The following AANAT variants were observed in gnomAD, a reference collection of about 807,000 sequenced individuals.
AANAT encodes the protein serotonin N-acetyltransferase.
AANAT carries 11 observed loss-of-function variants against 15.6 expected under a neutral mutation model. The observed-to-expected ratio is 0.71, with a 90% CI of 0.44 to 1.17. The LOEUF (loss-of-function observed/expected upper bound fraction) is 1.17, where lower values mean the gene tolerates loss of function less well. Ranked by LOEUF, AANAT falls within the 50% of genes most tolerant of loss-of-function variation. AANAT has a pLI of 0.00. For missense variants in AANAT, 286 were observed against 296.3 expected (o/e 0.97, Z 0.26); for synonymous variants, 139 against 131.5 (o/e 1.06, Z -0.39).
chr17:76,466,346 C>T (rs1358865615), upstream of AANAT: 1 of 767,428 alleles, frequency 1.3e-6, no homozygotes, highest in East Asian at 2.9e-5. Flanking sequence ...GGCAGGTGGG[C>T]CTCAGAGTGC....
chr17:76,469,576 G>A lies in AANAT; in HGVS notation c.319-89G>A. On this transcript the variant is annotated intron_variant, in intron 3 of 3. Transcript: ENST00000392492. This position sits in a 1 kb window ranked among gnomAD's most constrained non-coding sequence, Gnocchi z 5.2. ...GGTGCCCTGACCACAGGCACCCAGG[G>A]GACACCTGCTCCCTGCCTGGGTTGG... The A allele has an allele frequency of 7.2e-7, 1 of 1,386,028 alleles. No homozygotes were observed. Among genetic ancestry groups the A allele is most frequent in the South Asian group, 1.5e-5 (1 of 66,244 alleles). The allele number at this position is 1,386,028 out of a possible 1,614,324, so 85.9% of individuals were successfully genotyped here. A position where few individuals can be genotyped will look rare whatever the true frequency, so the allele number is the denominator to read the frequency against.
At chr17:76,459,955 A>G (rs2073371117) in intron 2 of AANAT, among the ~76,000 whole-genome samples, 1 of 152,040 alleles carries the variant, frequency 6.6e-6, no homozygotes, top group Non-Finnish European at 1.5e-5. Flanking sequence ...GTGACTGAAA[A>G]TGCAAGCACG....
At chr17:76,461,232 G>T (rs2073385474) in intron 2 of AANAT, among the ~76,000 whole-genome samples, 1 of 152,054 alleles carries the variant, frequency 6.6e-6, no homozygotes, top group African/African-American at 2.4e-5. Flanking sequence ...CACCTGCTCT[G>T]TGGGTGGCAC....
At chr17:76,465,575 G>C (rs913787150), upstream of AANAT, among the ~76,000 whole-genome samples, 24 of 152,158 alleles carry the variant, frequency 1.6e-4, no homozygotes, top group African/African-American at 5.3e-4. Context: ...GGGCTCAAGT[G>C]ATCCTCCTGC....
rs762010758 is a variant in AANAT at position 76,469,721 on chromosome 17, C to T, written c.375C>T (p.Ala125=). Residue 125 remains alanine, a synonymous_variant, in exon 4 of 4, where the codon GCC becomes GCT. Transcript: ENST00000392492. The surrounding 1 kb of genome is among the most constrained non-coding windows in gnomAD (Gnocchi z 5.2). ...ACATAGCCCACCTGCATGTGCTGGC[C>T]GTGCACCGCGCCTTCCGGCAGCAGG... is the stretch of plus-strand genomic sequence containing the variant. The part of the protein sequence containing the change: ...GGHIAHLHVL[A]VHRAFRQQGR... 3.9e-5 allele frequency: 61 copies of T among 1,546,388 alleles called. No homozygotes were observed. The highest frequency in any genetic ancestry group is 2.3e-4 in the African/African-American group (17 of 73,552).
upstream of AANAT, among the ~76,000 whole-genome samples, chr17:76,462,793 G>A (rs1190512589): frequency 2.0e-5 from 3 of 152,256 alleles, no homozygotes; most frequent in Admixed American, 6.5e-5. Flanking sequence ...AGTGACCATC[G>A]AAACCACCAA....
upstream of AANAT, among the ~76,000 whole-genome samples, chr17:76,463,248 C>T (rs2073406471): frequency 6.6e-6 from 1 of 151,694 alleles, no homozygotes; most frequent in African/African-American, 2.4e-5. Flanking sequence ...CTCACTGTCA[C>T]CATTAAGGCC....
At position 76,469,981 on chromosome 17, in the gene AANAT, C is replaced by A. The variant is rs1277614423; in HGVS notation, c.*11C>A. The A allele has an allele frequency of 2.7e-6, 4 of 1,458,846 alleles. No individual in the cohort carries two copies. Among genetic ancestry groups the A allele is most frequent in the African/African-American group, 1.4e-5 (1 of 70,012 alleles). 90.4% of individuals were successfully genotyped at this position (1,458,846 alleles called of 1,614,324 possible). A position where few individuals can be genotyped will look rare whatever the true frequency, so the allele number is the denominator to read the frequency against. On this transcript the variant is annotated 3_prime_UTR_variant, in exon 4 of 4. Coordinates refer to ENST00000392492, the MANE Select transcript of AANAT (RefSeq NM_001088.3). This position sits in a 1 kb window ranked among gnomAD's most constrained non-coding sequence, Gnocchi z 5.2. ...AACAGCGGCTGCTGAACTGGGCTGC[C>A]CACCTGGCTGCCAACATGATCCCCG...
upstream of AANAT, chr17:76,467,586 A>C (rs2073452739): frequency 3.0e-6 from 3 of 985,326 alleles, no homozygotes; most frequent in Non-Finnish European, 3.6e-6. Context: ...CTCTAACAGC[A>C]CCACAGGCTG....
intron 1 of AANAT, among the ~76,000 whole-genome samples, chr17:76,459,016 G>T (rs1025762133): frequency 6.6e-6 from 1 of 152,196 alleles, no homozygotes; most frequent in Non-Finnish European, 1.5e-5. Context: ...AGCCTCACCT[G>T]CTCCTTGCAC....
At position 76,469,223 on chromosome 17, in the gene AANAT, C is replaced by G; in HGVS notation, c.214C>G (p.His72Asp). The G allele has an allele frequency of 1.2e-6, 2 of 1,614,200 alleles. No individual in the cohort carries two copies. Among genetic ancestry groups the G allele is most frequent in the Non-Finnish European group, 1.7e-6 (2 of 1,180,038 alleles). The part of the protein sequence containing the change: ...VCPLYLDEIR[H>D]FLTLCPELSL... ...CCCCCTGTACCTGGATGAGATCCGG[C>G]ACTTCCTGACCCTATGTCCAGAGCT... Residue 72 changes from histidine (H) to aspartate (D), a missense_variant, in exon 3 of 4, where the codon CAC becomes GAC. His to Asp is a moderately conservative substitution (Grantham distance 81). Transcript: ENST00000392492. The surrounding 1 kb of genome is among the most constrained non-coding windows in gnomAD (Gnocchi z 5.2).
exon 1 of AANAT, chr17:76,453,419 C>G (rs955231115): frequency 1.8e-5 from 5 of 284,508 alleles, no homozygotes; most frequent in Non-Finnish European, 3.3e-5. Context: ...GGGCGGGGAC[C>G]CGGGAGGAGG....
At chr17:76,465,626 T>C (rs145792798), upstream of AANAT, among the ~76,000 whole-genome samples, 1,105 of 152,066 alleles carry the variant, frequency 7.3e-3, 12 homozygotes, top group African/African-American at 0.025. Flanking sequence ...TGTGAGCCAC[T>C]ATGCCCAGCC....
At chr17:76,459,419 C>T (rs1445999867) in intron 2 of AANAT, 1 of 152,286 alleles carries the variant, frequency 6.6e-6, no homozygotes, top group Non-Finnish European at 1.5e-5. Flanking sequence ...TCCCAGAGTT[C>T]TCATCCTGAT....
intron 1 of AANAT, among the ~76,000 whole-genome samples, chr17:76,457,337 C>T (rs1034220863): frequency 1.3e-5 from 2 of 152,142 alleles, no homozygotes; most frequent in African/African-American, 2.4e-5. Flanking sequence ...CCACCGCACC[C>T]GGCCTCAAAT....
At chr17:76,463,309 C>CTTTTTTTTTTTTTTTT (rs60885549), upstream of AANAT, among the ~76,000 whole-genome samples, 1 of 111,946 alleles carries the variant, frequency 8.9e-6, no homozygotes, top group Non-Finnish European at 1.7e-5. Context: ...GGAAGGATTC[C>CTTTTTTTTTTTTTTTT]TTTTTTTTTT....
upstream of AANAT, among the ~76,000 whole-genome samples, chr17:76,464,807 T>C (rs1459974131): frequency 6.6e-6 from 1 of 151,704 alleles, no homozygotes; most frequent in Non-Finnish European, 1.5e-5. Context: ...ATATTTTTTT[T>C]TTTTGAGATA....
chr17:76,467,706 G>C lies in AANAT; in HGVS notation c.-97G>C, dbSNP rs1356347084. Reference sequence around the variant, plus strand: ...CTAGCGGCTTTGTGGAGGGAACACTGGGTATCCTCTCCACAGTCCAGGTAG... The same window carrying C: ...CTAGCGGCTTTGTGGAGGGAACACTCGGTATCCTCTCCACAGTCCAGGTAG... On this transcript the variant is annotated 5_prime_UTR_variant, in exon 1 of 4. Transcript: ENST00000392492. 3.0e-6 allele frequency: 3 copies of C among 985,338 alleles called. No homozygotes were observed. The African/African-American group carries it at 5.2e-5, about 17-fold the overall frequency. 61.0% of individuals were successfully genotyped at this position (985,338 alleles called of 1,614,324 possible).
chr17:76,454,475 A>G (rs1223451865), intron 1 of AANAT, among the ~76,000 whole-genome samples: 9 of 151,560 alleles, frequency 5.9e-5, no homozygotes, highest in Admixed American at 5.9e-4. Flanking sequence ...ACAGAGCAAG[A>G]CTCTGTCTCA....
Sources: allele counts gnomAD v4.1 joint callset (sites outside exome capture counted in the v4.1 genomes callset), GRCh38; gene constraint gnomAD v4.1.1; non-coding constraint Gnocchi (gnomAD v3.1); transcripts MANE v1.5; gene names NCBI Gene and HGNC (gene_info 2026-07-23, HGNC 2026-07-21).